The following STAG1 variants were observed in gnomAD, a reference collection of about 807,000 sequenced individuals.
STAG1 encodes the protein cohesin subunit SA-1.
A neutral mutation model predicts 170.9 loss-of-function variants in STAG1; 26 were observed. That is an observed-to-expected ratio of 0.15 (90% CI 0.11 to 0.21). The LOEUF (loss-of-function observed/expected upper bound fraction) is 0.21, where lower values mean the gene tolerates loss of function less well. Among genes scored for constraint, STAG1 ranks in the 10% least tolerant of loss-of-function variants. The probability of loss-of-function intolerance (pLI) is 1.00; values close to 1 mark genes in which losing one functional copy is unlikely to be tolerated. For synonymous variants in STAG1, 514 were observed against 497.7 expected (o/e 1.03, Z -0.44); for missense variants, 964 against 1,509.5 (o/e 0.64, Z 5.99).
chr3:136,484,205 TG>T (rs1293170036), intron 9 of STAG1, among the ~76,000 whole-genome samples: 1 of 151,674 alleles, frequency 6.6e-6, no homozygotes, highest in African/African-American at 2.4e-5. Context: ...CCCATCTTTG[TG>T]GTTTTATCTA....
intron 21 of STAG1, among the ~76,000 whole-genome samples, chr3:136,405,387 G>A (rs150100715): frequency 9.9e-5 from 15 of 151,776 alleles, no homozygotes; most frequent in Admixed American, 2.0e-4. Context: ...GATTACAGAT[G>A]TGTGCTACCA....
intron 15 of STAG1, among the ~76,000 whole-genome samples, chr3:136,439,389 GACACACACACACACAC>G (rs753912835): frequency 8.4e-4 from 81 of 95,868 alleles, no homozygotes; most frequent in South Asian, 2.9e-3. Flanking sequence ...AACACCCCCC[GACACACACACACACAC>G]ACACACACAC....
intron 1 of STAG1, among the ~76,000 whole-genome samples, chr3:136,747,697 T>C (rs1403262222): frequency 6.6e-6 from 1 of 151,912 alleles, no homozygotes. Context: ...AAAAAATAAA[T>C]TCCTTAACTT....
At chr3:136,364,599 T>A (rs1028054124) in intron 25 of STAG1, among the ~76,000 whole-genome samples, 1 of 152,168 alleles carries the variant, frequency 6.6e-6, no homozygotes, top group East Asian at 1.9e-4. Context: ...AACCCCCCCA[T>A]CAACATGTCT....
chr3:136,738,406 G>A (rs117800316), intron 1 of STAG1, among the ~76,000 whole-genome samples: 1,694 of 152,242 alleles, frequency 0.011, 28 homozygotes, highest in East Asian at 0.047. Context: ...AAGTAGAAAC[G>A]CTTGAACCCC....
At chr3:136,467,344 G>A in intron 12 of STAG1, among the ~76,000 whole-genome samples, 1 of 152,022 alleles carries the variant, frequency 6.6e-6, no homozygotes, top group East Asian at 1.9e-4. Flanking sequence ...ACAAAAAAAG[G>A]CAGGGGTTGC....
chr3:136,595,590 T>C (rs1012658327), intron 4 of STAG1, among the ~76,000 whole-genome samples: 2 of 151,652 alleles, frequency 1.3e-5, no homozygotes, highest in African/African-American at 2.4e-5. Flanking sequence ...GGCAGAAGAA[T>C]GGCATGAATC....
At chr3:136,621,992 G>GAA (rs11360539) in intron 3 of STAG1, among the ~76,000 whole-genome samples, 153 of 121,438 alleles carry the variant, frequency 1.3e-3, no homozygotes, top group African/African-American at 2.8e-3. Context: ...TGGTGGTGTG[G>GAA]AAAAAAAAAA....
intron 23 of STAG1, among the ~76,000 whole-genome samples, chr3:136,372,655 G>A (rs1334417805): frequency 1.3e-5 from 2 of 150,848 alleles, no homozygotes; most frequent in Non-Finnish European, 3.0e-5. Flanking sequence ...TACGTTTATT[G>A]ATTTTCCTAT....
At chr3:136,366,764 A>G (rs911256539) in intron 25 of STAG1, among the ~76,000 whole-genome samples, 179 bp downstream of exon 25, 2 of 152,150 alleles carry the variant, frequency 1.3e-5, no homozygotes, top group South Asian at 4.1e-4. Flanking sequence ...ACTCCTACTC[A>G]ATGGAACTGA....
chr3:136,624,832 T>C (rs543550709), intron 2 of STAG1, among the ~76,000 whole-genome samples: 6 of 152,328 alleles, frequency 3.9e-5, no homozygotes, highest in African/African-American at 1.2e-4. Flanking sequence ...TGACAAACAG[T>C]AGTACAGCAT....
intron 28 of STAG1, among the ~76,000 whole-genome samples, chr3:136,356,693 C>T (rs1936669072): frequency 6.6e-6 from 1 of 152,114 alleles, no homozygotes; most frequent in South Asian, 2.1e-4. Flanking sequence ...GACTCTCTGT[C>T]TTAACAGTTT....
chr3:136,463,603 T>C (rs1273850577), intron 13 of STAG1, among the ~76,000 whole-genome samples: 1 of 151,254 alleles, frequency 6.6e-6, no homozygotes, highest in Non-Finnish European at 1.5e-5. Flanking sequence ...ATCAACTGGG[T>C]ACAGTGGCTC....
At position 136,742,059 on chromosome 3, in the gene STAG1, G is replaced by T. The variant is rs76960671; in HGVS notation, c.-84+10136C>A. 2.7e-3 allele frequency among the ~76,000 whole-genome samples: 405 copies of T among 152,254 alleles called. 5 individuals are homozygous for T. Among genetic ancestry groups the T allele is most frequent in the African/African-American group, 9.2e-3 (383 of 41,538 alleles). ...GCTTCAAAATGAGTGAGAAAAACTT[G>T]ACAGAATTAAGGGAAAAACAGATAA... On this transcript the variant is annotated intron_variant, in intron 1 of 33. Coordinates refer to ENST00000383202, the MANE Select transcript of STAG1 (RefSeq NM_005862.3).
chr3:136,663,863 C>T (rs1348120379), intron 1 of STAG1, among the ~76,000 whole-genome samples: 9 of 152,010 alleles, frequency 5.9e-5, no homozygotes, highest in African/African-American at 1.9e-4. Flanking sequence ...TATAAAACAA[C>T]CGAGATCCAA....
chr3:136,735,131 T>G (rs183518819), intron 1 of STAG1, among the ~76,000 whole-genome samples: 2 of 152,236 alleles, frequency 1.3e-5, no homozygotes, highest in East Asian at 3.9e-4. Context: ...CCCTTTTTTT[T>G]TTGGAGATGG....
chr3:136,416,372 A>C (rs1262741582), intron 21 of STAG1, among the ~76,000 whole-genome samples: 2 of 152,236 alleles, frequency 1.3e-5, no homozygotes, highest in Non-Finnish European at 2.9e-5. Context: ...AAATGGAGGA[A>C]ATAAGACATA....
At chr3:136,613,299 G>A (rs1339701350) in intron 3 of STAG1, among the ~76,000 whole-genome samples, 10 of 94,630 alleles carry the variant, frequency 1.1e-4, no homozygotes, top group Non-Finnish European at 1.7e-4. Flanking sequence ...AGTGAACAGA[G>A]TGAGACTCCG....
chr3:136,397,313 A>C (rs2087192545), intron 22 of STAG1, among the ~76,000 whole-genome samples: 1 of 152,124 alleles, frequency 6.6e-6, no homozygotes, highest in South Asian at 2.1e-4. Context: ...TTTTGCTGTG[A>C]GCTCATTTTG....
Sources: gnomAD v4.1 joint callset for allele counts (sites outside exome capture counted in the v4.1 genomes callset) on GRCh38, gnomAD v4.1.1 for gene constraint, MANE v1.5 for transcripts, NCBI Gene and HGNC (gene_info 2026-07-23, HGNC 2026-07-21) for gene names.